LEPR: variants seen among roughly 807,000 people sequenced by gnomAD.
LEPR encodes the protein leptin receptor, also known as OB receptor.
In LEPR, 56 loss-of-function variants were observed where a neutral mutation model predicts 114.7. The observed-to-expected ratio is 0.49, with a 90% CI of 0.39 to 0.61. LEPR has a LOEUF of 0.61. LEPR is among the 20% of genes least tolerant of loss of function. The probability of loss-of-function intolerance (pLI) is 0.00; values close to 1 mark genes in which losing one functional copy is unlikely to be tolerated. For missense variants in LEPR, 1,202 were observed against 1,352.9 expected, an observed-to-expected ratio of 0.89 and a Z score of 1.75; for synonymous variants, 443 against 461.4, an observed-to-expected ratio of 0.96 and a Z score of 0.51.
intron 5 of LEPR, among the ~76,000 whole-genome samples, chr1:65,572,693 G>A (rs1329037582): frequency 6.6e-6 from 1 of 152,148 alleles, no homozygotes; most frequent in Non-Finnish European, 1.5e-5. Flanking sequence ...TTCAGTTCAA[G>A]TTCAGGTTCT....
At chr1:65,486,371 GT>G (rs1272139818) in intron 2 of LEPR, 6 of 152,086 alleles carry the variant, frequency 3.9e-5, no homozygotes. Context: ...GACTAAATGA[GT>G]TCTCTCTTTT....
intron 3 of LEPR, among the ~76,000 whole-genome samples, chr1:65,568,601 A>G (rs1472717617): frequency 2.6e-5 from 4 of 151,638 alleles, no homozygotes; most frequent in Non-Finnish European, 5.9e-5. Flanking sequence ...TGATTCCATG[A>G]CTTTGCTATT....
chr1:65,531,990 G>A (rs966456701), intron 2 of LEPR, among the ~76,000 whole-genome samples: 4 of 152,130 alleles, frequency 2.6e-5, no homozygotes, highest in Non-Finnish European at 5.9e-5. Context: ...TCACCAATTT[G>A]CATTCCTGTT....
At chr1:65,546,324 G>T (rs1481243230) in intron 2 of LEPR, among the ~76,000 whole-genome samples, 1 of 152,196 alleles carries the variant, frequency 6.6e-6, no homozygotes, top group Non-Finnish European at 1.5e-5. Context: ...CTTTAAAGTA[G>T]TTTTTTCCAA....
intron 2 of LEPR, among the ~76,000 whole-genome samples, chr1:65,488,198 T>TTCTTTCTTTC (rs1557620088): frequency 0.013 from 309 of 24,570 alleles, 8 homozygotes; most frequent in Non-Finnish European, 0.018. Flanking sequence ...CTTTCTTTCT[T>TTCTTTCTTTC]TCTTTCTTTC....
intron 10 of LEPR, 76 bp downstream of exon 10, chr1:65,602,036 G>A (rs1656475151): frequency 8.2e-7 from 1 of 1,218,314 alleles, no homozygotes. Context: ...TATTACAACA[G>A]TAGTCTTACA....
chr1:65,501,919 CAA>C (rs1304457540), intron 2 of LEPR, among the ~76,000 whole-genome samples: 2 of 152,058 alleles, frequency 1.3e-5, no homozygotes, highest in African/African-American at 4.8e-5. Flanking sequence ...AAATATTTAA[CAA>C]ATGTTACTTT....
intron 2 of LEPR, chr1:65,434,737 A>G: frequency 2.0e-6 from 2 of 985,224 alleles, no homozygotes; most frequent in African/African-American, 1.7e-5. Flanking sequence ...ATCCAGGTAC[A>G]CTCCTGGGAG....
At chr1:65,565,023 A>G (rs1437370214) in intron 2 of LEPR, among the ~76,000 whole-genome samples, 1 of 152,190 alleles carries the variant, frequency 6.6e-6, no homozygotes, top group African/African-American at 2.4e-5. Flanking sequence ...GCAAATAAAC[A>G]ATAGGTTTCC....
chr1:65,549,397 A>G (rs1652088036), intron 2 of LEPR, among the ~76,000 whole-genome samples: 1 of 152,122 alleles, frequency 6.6e-6, no homozygotes, highest in Non-Finnish European at 1.5e-5. Context: ...AATATCCTGC[A>G]GAGTGTTTTC....
chr1:65,422,808 CA>C (rs1259695967), intron 1 of LEPR, among the ~76,000 whole-genome samples: 1 of 152,206 alleles, frequency 6.6e-6, no homozygotes. Flanking sequence ...AGGAGTGAGT[CA>C]GGCGATGGTG....
At chr1:65,542,622 C>A (rs533883354) in intron 2 of LEPR, among the ~76,000 whole-genome samples, 2 of 151,712 alleles carry the variant, frequency 1.3e-5, no homozygotes, top group East Asian at 3.9e-4. Flanking sequence ...TAGCCAGCCA[C>A]CCCCCGACAG....
chr1:65,580,539 A>T (rs1654910241), intron 5 of LEPR, among the ~76,000 whole-genome samples: 1 of 152,214 alleles, frequency 6.6e-6, no homozygotes, highest in African/African-American at 2.4e-5. Context: ...TGAAGGACAG[A>T]TACTCTAGAA....
At chr1:65,619,078 A>G (rs931227958) in intron 16 of LEPR, among the ~76,000 whole-genome samples, 3 of 152,310 alleles carry the variant, frequency 2.0e-5, no homozygotes, top group Admixed American at 6.5e-5. Flanking sequence ...GATTGAGGAA[A>G]GTTAACTAGG....
chr1:65,526,030 G>C, intron 2 of LEPR: 1 of 881,324 alleles, frequency 1.1e-6, no homozygotes, highest in Non-Finnish European at 1.4e-6. Flanking sequence ...GGCGACTCTC[G>C]GCTCCCGTGG....
rs139859644 is a variant in LEPR at position 65,539,764 on chromosome 1, G to A, written c.-20-25782G>A. On this transcript the variant is annotated intron_variant, in intron 2 of 19. Transcript: ENST00000349533. The stretch of plus-strand genomic sequence containing the variant: ...CCATCAGTTAGAGGCATTTGTGCCA[G>A]ATTTTAGATCAGAAGTGTGGGACAT... 7.2e-5 allele frequency among the ~76,000 whole-genome samples: 11 copies of A among 152,314 alleles called. No individual in the cohort carries two copies. In the East Asian group the frequency reaches 2.1e-3, roughly 29 times the overall value.
chr1:65,572,317 T>TTTTTTGTTGA lies in LEPR; in HGVS notation c.371-9_371-8insTTTTTGTTGA. On this transcript the variant is annotated splice_polypyrimidine_tract_variant and intron_variant, in intron 4 of 19. Coordinates refer to ENST00000349533, the MANE Select transcript of LEPR (RefSeq NM_002303.6). Reference sequence around the variant, plus strand: ...TTTTTTTTTTTTTTTTTTTTTTTTTTAAATTCAGATGCAAACTGGAACATA... The same window carrying TTTTTTGTTGA: ...TTTTTTTTTTTTTTTTTTTTTTTTTTTTTTTGTTGAAAATTCAGATGCAAACTGGAACATA... The TTTTTTGTTGA allele has an allele frequency of 8.2e-7, 1 of 1,223,888 alleles. No homozygotes were observed. The highest frequency in any genetic ancestry group is 1.1e-6 in the Non-Finnish European group (1 of 903,842). 75.8% of individuals were successfully genotyped at this position (1,223,888 alleles called of 1,614,324 possible).
chr1:65,425,394 A>G lies in LEPR; in HGVS notation c.-21+16A>G. ...AGGATTATGGGTAAGTTATCATTTC[A>G]AAAAGAACTATTCCTCTTTCTGTGT... is the stretch of plus-strand genomic sequence containing the variant. On this transcript the variant is annotated intron_variant, in intron 2 of 19. Transcript: ENST00000349533. The G allele has an allele frequency of 6.3e-7, 1 of 1,583,764 alleles. No individual in the cohort carries two copies. Among genetic ancestry groups the G allele is most frequent in the African/African-American group, 1.4e-5 (1 of 73,078 alleles).
At chr1:65,545,788 C>G (rs1204923077) in intron 2 of LEPR, among the ~76,000 whole-genome samples, 1 of 151,902 alleles carries the variant, frequency 6.6e-6, no homozygotes. Flanking sequence ...GTTTCTTTGG[C>G]TGTGCAGAAG....
Sources: allele counts gnomAD v4.1 joint callset (sites outside exome capture counted in the v4.1 genomes callset), GRCh38; gene constraint gnomAD v4.1.1; transcripts MANE v1.5; gene names NCBI Gene and HGNC (gene_info 2026-07-23, HGNC 2026-07-21).